PTPRN2: variants seen among roughly 807,000 people sequenced by gnomAD.
PTPRN2 encodes the protein protein tyrosine phosphatase receptor type N2, also known as receptor-type tyrosine-protein phosphatase N2.
PTPRN2 carries 74 observed loss-of-function variants against 118.8 expected under a neutral mutation model. The ratio of observed to expected loss-of-function variants is 0.62; its 90% CI spans 0.52 to 0.76. PTPRN2 has a LOEUF of 0.76. Among genes scored for constraint, PTPRN2 ranks in the 30% least tolerant of loss-of-function variants. The pLI, the probability that PTPRN2 is intolerant of heterozygous loss-of-function variation, is 0.00. For synonymous variants in PTPRN2, 641 were observed against 608.0 expected (o/e 1.05, Z -0.80); for missense variants, 1,481 against 1,394.4 (o/e 1.06, Z -0.99).
intron 21 of PTPRN2, among the ~76,000 whole-genome samples, chr7:157,566,966 C>T (rs561231280): frequency 5.9e-5 from 9 of 152,352 alleles, no homozygotes; most frequent in East Asian, 1.9e-4. Flanking sequence ...CCACATCACA[C>T]GTTCACAAAC....
At position 157,674,839 on chromosome 7, in the gene PTPRN2, G is replaced by T. The variant is rs1796587331; in HGVS notation, c.2001+7886C>A. 6.6e-6 allele frequency among the ~76,000 whole-genome samples: 1 copy of T among 152,212 alleles called. No individual in the cohort carries two copies. Among genetic ancestry groups the T allele is most frequent in the African/African-American group, 2.4e-5 (1 of 41,468 alleles). On this transcript the variant is annotated intron_variant, in intron 13 of 22. Coordinates refer to ENST00000389418, the MANE Select transcript of PTPRN2 (RefSeq NM_002847.5). This position sits in a 1 kb window ranked among gnomAD's most constrained non-coding sequence, Gnocchi z 4.5. ...TCTCCTCCCACGCCGAGCTCCTCCT[G>T]CCGGGGGGGTCTGCACAGTTCTGGG...
chr7:158,325,730 C>T (rs1425998415), intron 2 of PTPRN2, among the ~76,000 whole-genome samples: 3 of 152,172 alleles, frequency 2.0e-5, no homozygotes, highest in Admixed American at 2.0e-4. Flanking sequence ...GGCAAACCAC[C>T]GGGCAGGCAG....
intron 14 of PTPRN2, among the ~76,000 whole-genome samples, chr7:157,649,915 C>T (rs1415614433): frequency 5.0e-5 from 4 of 79,726 alleles, no homozygotes; most frequent in Non-Finnish European, 1.3e-4. Context: ...GTGCACTGAA[C>T]TCGGTGGGTC....
At chr7:157,809,186 G>A (rs377164366) in intron 12 of PTPRN2, among the ~76,000 whole-genome samples, 3 of 152,288 alleles carry the variant, frequency 2.0e-5, no homozygotes, top group African/African-American at 4.8e-5. Flanking sequence ...AACGTGTTGC[G>A]ACAAGCCAGA....
chr7:158,150,949 C>G (rs6953878), intron 6 of PTPRN2, among the ~76,000 whole-genome samples: 92,557 of 151,590 alleles, frequency 0.61, 28,891 homozygotes, highest in Admixed American at 0.73. Flanking sequence ...AAATATTATT[C>G]TGTGCATCCC....
intron 2 of PTPRN2, among the ~76,000 whole-genome samples, chr7:158,341,214 T>C (rs1413189302): frequency 6.6e-6 from 1 of 150,996 alleles, no homozygotes. Context: ...CCTGCAGACG[T>C]CATTCACACC....
chr7:157,861,508 G>A lies in PTPRN2; in HGVS notation c.1788+37165C>T, dbSNP rs904937810. Among the ~76,000 whole-genome samples the A allele has an allele frequency of 1.3e-5, 2 of 152,220 alleles. No homozygotes were observed. Among genetic ancestry groups the A allele is most frequent in the African/African-American group, 2.4e-5 (1 of 41,456 alleles). ...TCCCTGAGTCTTGCAGGGCCCAGCC[G>A]CTGTGCCTCTGTGTGGCCTCCCCAC... On this transcript the variant is annotated intron_variant, in intron 12 of 22. Transcript: ENST00000389418. This position sits in a 1 kb window ranked among gnomAD's most constrained non-coding sequence, Gnocchi z 5.8.
intron 21 of PTPRN2, among the ~76,000 whole-genome samples, chr7:157,566,284 G>A (rs1169658368): frequency 6.6e-6 from 1 of 152,260 alleles, no homozygotes; most frequent in Non-Finnish European, 1.5e-5. Context: ...GAAATGGGAA[G>A]AAAGGTTTCA....
chr7:158,534,312 G>C (rs1198305884), intron 1 of PTPRN2, among the ~76,000 whole-genome samples: 24 of 140,908 alleles, frequency 1.7e-4, no homozygotes, highest in East Asian at 6.3e-4. Context: ...GACCACCCAC[G>C]CCCCGGGCTC....
intron 12 of PTPRN2, among the ~76,000 whole-genome samples, chr7:157,769,061 A>T (rs1802646330): frequency 6.6e-6 from 1 of 152,106 alleles, no homozygotes. Flanking sequence ...ATTTTTCATG[A>T]TCATCTTCAT....
In PTPRN2 at chr7:157,648,735, C is replaced by T. The variant is rs563737000; in HGVS notation, c.2196+7622G>A. Among the ~76,000 whole-genome samples the T allele has an allele frequency of 4.2e-5, 6 of 143,240 alleles. 1 individual carries two copies. In the South Asian group the frequency reaches 9.5e-4, roughly 23 times the overall value. 94.0% of individuals were successfully genotyped at this position (143,240 alleles called of 152,430 possible). ...TCACTGTGCACTGAACTCGGTGGGT[C>T]GGACCCATCCAGTGTGCACTGAACT... On this transcript the variant is annotated intron_variant, in intron 14 of 22. Transcript: ENST00000389418.
At chr7:157,739,879 G>A (rs540472286) in intron 12 of PTPRN2, among the ~76,000 whole-genome samples, 5 of 152,306 alleles carry the variant, frequency 3.3e-5, no homozygotes, top group East Asian at 1.9e-4. Flanking sequence ...CCCCCTCTGC[G>A]TGCTCACGCA....
chr7:158,244,773 GGTGT>G (rs1170046028), intron 3 of PTPRN2, among the ~76,000 whole-genome samples: 40 of 151,484 alleles, frequency 2.6e-4, no homozygotes, highest in Middle Eastern at 3.4e-3. Flanking sequence ...AGTATGTGTG[GGTGT>G]GTGTGAGTTG....
chr7:158,262,580 GCACA>G (rs780407529), intron 3 of PTPRN2, among the ~76,000 whole-genome samples: 3 of 110,226 alleles, frequency 2.7e-5, no homozygotes, highest in South Asian at 3.1e-4. Flanking sequence ...TTCACACACA[GCACA>G]CACATTCACA....
At chr7:158,402,327 C>T (rs527475654) in intron 2 of PTPRN2, among the ~76,000 whole-genome samples, 1 of 152,138 alleles carries the variant, frequency 6.6e-6, no homozygotes, top group African/African-American at 2.4e-5. Flanking sequence ...GGGGTACAAC[C>T]TCTGTACACA....
intron 2 of PTPRN2, among the ~76,000 whole-genome samples, chr7:158,410,026 G>T (rs1439179785): frequency 2.6e-5 from 4 of 152,218 alleles, no homozygotes; most frequent in Non-Finnish European, 4.4e-5. Flanking sequence ...TGGCTCCGAG[G>T]CGTCCCCGCA....
intron 1 of PTPRN2, among the ~76,000 whole-genome samples, chr7:158,545,420 C>T (rs183845631): frequency 2.0e-5 from 3 of 152,318 alleles, no homozygotes; most frequent in Admixed American, 6.5e-5. Flanking sequence ...ACCATTTTCT[C>T]GTATTCTCAA....
chr7:157,733,124 G>T (rs372884399), intron 12 of PTPRN2, among the ~76,000 whole-genome samples: 73 of 21,138 alleles, frequency 3.5e-3, no homozygotes, highest in Non-Finnish European at 5.0e-3. Context: ...TCCCGTCCCA[G>T]GCGCCCAGCA....
chr7:157,652,602 G>T (rs574914800), intron 14 of PTPRN2, among the ~76,000 whole-genome samples: 1 of 152,088 alleles, frequency 6.6e-6, no homozygotes, highest in East Asian at 1.9e-4. Flanking sequence ...CCCCTTCCCC[G>T]GGGGTCCCTG....
Sources: allele counts gnomAD v4.1 joint callset (sites outside exome capture counted in the v4.1 genomes callset), GRCh38; gene constraint gnomAD v4.1.1; non-coding constraint Gnocchi (gnomAD v3.1); transcripts MANE v1.5; gene names NCBI Gene and HGNC (gene_info 2026-07-23, HGNC 2026-07-21).